Variants in ASXL1 observed in about 807,000 individuals in gnomAD.
The protein encoded by ASXL1 is polycomb group protein ASXL1.
ASXL1 carries 65 observed loss-of-function variants against 89.1 expected under a neutral mutation model. The ratio of observed to expected loss-of-function variants is 0.73; its 90% CI spans 0.60 to 0.90. The LOEUF is 0.90. Ranked by LOEUF, ASXL1 falls within the 40% of genes least tolerant of loss-of-function variation. The pLI, the probability that ASXL1 is intolerant of heterozygous loss-of-function variation, is 0.00. For missense variants in ASXL1, 1,786 were observed against 1,942.9 expected (o/e 0.92, Z 1.52); for synonymous variants, 739 against 746.9 (o/e 0.99, Z 0.17).
Position 32,374,525 on chromosome 20 carries a change from G to C in ASXL1, c.252+5402G>C, listed in dbSNP as rs62206877. On this transcript the variant is annotated intron_variant, in intron 4 of 12. Coordinates refer to ENST00000375687, the MANE Select transcript of ASXL1 (RefSeq NM_015338.6). Reference sequence around the variant, plus strand: ...TCCTCAGGCTAGTCTCAAACTCCTGGCCTCAAGCAATCCTCTGCTTCAGCC... The same window carrying C: ...TCCTCAGGCTAGTCTCAAACTCCTGCCCTCAAGCAATCCTCTGCTTCAGCC... Among the ~76,000 whole-genome samples the C allele has an allele frequency of 9.6e-3, 1,453 of 152,120 alleles. 14 individuals are homozygous for C. The highest frequency in any genetic ancestry group is 0.023 in the African/African-American group (950 of 41,478).
At position 32,436,274 on chromosome 20, in the gene ASXL1, C is replaced by A. The variant is rs774416906; in HGVS notation, c.3562C>A (p.Leu1188Ile). The A allele has an allele frequency of 1.9e-6, 3 of 1,614,078 alleles. No individual in the cohort carries two copies. In the African/African-American group the frequency reaches 4.0e-5, roughly 22 times the overall value. ...LPDSCETGTG[L>I]ARIEATQAPG... ...AGATAGCTGTGAAACAGGCACTGGT[C>A]TTGCCAGGATTGAGGCCACCCAGGC... Residue 1188 changes from leucine (L) to isoleucine (I), a missense_variant, in exon 13 of 13, where the codon CTT becomes ATT. Around this residue, in one of 3 missense-constraint regions of ASXL1, gnomAD observed 1,418 missense variants for 1,427.8 expected, o/e 0.99. Transcript: ENST00000375687.
intron 1 of ASXL1, chr20:32,359,447 G>A (rs1196522645): frequency 2.9e-6 from 2 of 698,628 alleles, no homozygotes; most frequent in Non-Finnish European, 5.2e-6. Flanking sequence ...CTACTCCTAG[G>A]GCCCTTCGTA....
intron 1 of ASXL1, chr20:32,359,751 G>C (rs1476943825): frequency 1.4e-6 from 1 of 718,106 alleles, no homozygotes; most frequent in Non-Finnish European, 2.6e-6. Flanking sequence ...CAACCGATGG[G>C]GGTTGTGAAT....
At chr20:32,425,934 A>C (rs1421601248) in intron 4 of ASXL1, among the ~76,000 whole-genome samples, 1 of 152,176 alleles carries the variant, frequency 6.6e-6, no homozygotes, top group East Asian at 1.9e-4. Context: ...TGAACCCCTG[A>C]CCTCAAGTGA....
At chr20:32,374,871 GTTTA>G (rs1370899498) in intron 4 of ASXL1, among the ~76,000 whole-genome samples, 1 of 152,062 alleles carries the variant, frequency 6.6e-6, no homozygotes, top group Non-Finnish European at 1.5e-5. Context: ...TTTACTTTAC[GTTTA>G]TTTATTTTGA....
chr20:32,411,949 C>T (rs2049055985), intron 4 of ASXL1, among the ~76,000 whole-genome samples: 1 of 152,132 alleles, frequency 6.6e-6, no homozygotes, highest in African/African-American at 2.4e-5. Flanking sequence ...CTTTTGTGTC[C>T]TTTTTATGTG....
rs1569317538 is a variant in ASXL1 at position 32,429,254 on chromosome 20, G to A, written c.472-84G>A. ...AAGACGAACTTCATTTTACAAGAGC[G>A]TGAGTAGAGATAGTGTCGCCAGGGA... is the stretch of plus-strand genomic sequence containing the variant. On this transcript the variant is annotated intron_variant, in intron 6 of 12. Coordinates refer to ENST00000375687, the MANE Select transcript of ASXL1 (RefSeq NM_015338.6). This position sits in a 1 kb window ranked among gnomAD's most constrained non-coding sequence, Gnocchi z 4.9. 3.8e-6 allele frequency: 5 copies of A among 1,321,406 alleles called. No individual in the cohort carries two copies. In the South Asian group the frequency reaches 6.2e-5, roughly 16 times the overall value. 81.9% of individuals were successfully genotyped at this position (1,321,406 alleles called of 1,614,324 possible). A position where few individuals can be genotyped will look rare whatever the true frequency, so the allele number is the denominator to read the frequency against.
rs71299232 is a variant in ASXL1, at chr20:32,421,866, CT to C, written c.253-6242del. ...TGGGGTGAGAGGGGTGGTTTCTTTT[CT>C]TTTTTTTTTTTTTTTTTTTGAGACG... On this transcript the variant is annotated intron_variant, in intron 4 of 12. Coordinates refer to ENST00000375687, the MANE Select transcript of ASXL1 (RefSeq NM_015338.6). Among the ~76,000 whole-genome samples, 775 of 105,274 alleles carry C rather than the reference CT, an allele frequency of 7.4e-3. 7 individuals carry two copies. The highest frequency in any genetic ancestry group is 0.021 in the African/African-American group (609 of 28,536). 69.1% of individuals were successfully genotyped at this position (105,274 alleles called of 152,430 possible).
In ASXL1 at chr20:32,434,607, G is replaced by A. The variant is rs930925893; in HGVS notation, c.1895G>A (p.Cys632Tyr). The part of the protein sequence containing the change: ...LQVRGARGHH[C>Y]HREAATTAIG... ...GTCCGAGGGGCGAGAGGTCACCACT[G>A]CCATAGAGAGGCGGCCACCACTGCC... Residue 632 changes from cysteine to tyrosine, a missense_variant, in exon 13 of 13, where the codon TGC (cysteine) becomes TAC (tyrosine). Coordinates refer to ENST00000375687, the MANE Select transcript of ASXL1 (RefSeq NM_015338.6). 2.5e-6 allele frequency: 4 copies of A among 1,611,484 alleles called. No individual in the cohort carries two copies. The African/African-American group carries it at 4.0e-5, about 16-fold the overall frequency.
intron 1 of ASXL1, among the ~76,000 whole-genome samples, chr20:32,362,504 CG>C (rs1569233961): frequency 6.1e-4 from 92 of 151,918 alleles, no homozygotes; most frequent in African/African-American, 2.1e-3. Context: ...GGCGTGGTGG[CG>C]AGTGCCTGTA....
At chr20:32,381,309 A>G (rs1220718437) in intron 4 of ASXL1, among the ~76,000 whole-genome samples, 5 of 152,010 alleles carry the variant, frequency 3.3e-5, no homozygotes, top group Admixed American at 2.6e-4. Context: ...GACTCAAATG[A>G]TCCTCCCACC....
intron 4 of ASXL1, among the ~76,000 whole-genome samples, chr20:32,375,015 G>A (rs759158693): frequency 2.9e-4 from 44 of 152,140 alleles, no homozygotes; most frequent in Non-Finnish European, 4.9e-4. Flanking sequence ...GGAGGCCAAG[G>A]TCGAGGGGAC....
At chr20:32,416,561 A>G (rs2049142045) in intron 4 of ASXL1, among the ~76,000 whole-genome samples, 1 of 152,208 alleles carries the variant, frequency 6.6e-6, no homozygotes, top group Non-Finnish European at 1.5e-5. Context: ...TACCATATCA[A>G]TATAGCTACA....
In ASXL1 at chr20:32,384,492, G is replaced by A. The variant is rs6141699; in HGVS notation, c.252+15369G>A. Reference sequence around the variant, plus strand: ...ATTACAGGTGTGAGCCACCGTGCCCGGCCAGCAATCTGGTTTTAAAGGAGG... The same window carrying A: ...ATTACAGGTGTGAGCCACCGTGCCCAGCCAGCAATCTGGTTTTAAAGGAGG... On this transcript the variant is annotated intron_variant, in intron 4 of 12. Transcript: ENST00000375687. Among the ~76,000 whole-genome samples, 139 of 152,240 alleles carry A rather than the reference G, an allele frequency of 9.1e-4. 3 individuals carry two copies. In the East Asian group the frequency reaches 0.025, roughly 28 times the overall value.
At chr20:32,374,674 T>C (rs1043748257) in intron 4 of ASXL1, among the ~76,000 whole-genome samples, 4 of 152,102 alleles carry the variant, frequency 2.6e-5, no homozygotes, top group Admixed American at 1.3e-4. Context: ...TCTCTTGTTA[T>C]ATGCCTCATC....
At chr20:32,361,154 G>A (rs1291189869) in intron 1 of ASXL1, among the ~76,000 whole-genome samples, 2 of 152,306 alleles carry the variant, frequency 1.3e-5, no homozygotes, top group East Asian at 3.9e-4. Flanking sequence ...TTCGAGATGA[G>A]CCTGGGCAAC....
chr20:32,377,741 C>G (rs2048409878), intron 4 of ASXL1, among the ~76,000 whole-genome samples: 1 of 147,918 alleles, frequency 6.8e-6, no homozygotes, highest in African/African-American at 2.5e-5. Context: ...CAACCTCCGC[C>G]TCCCAGGTCC....
At chr20:32,430,974 A>G (rs1056062366) in intron 8 of ASXL1, 1 of 486,606 alleles carries the variant, frequency 2.1e-6, no homozygotes. Flanking sequence ...GATAATTCTC[A>G]TGATTTCTCC....
At chr20:32,394,568 T>G (rs2123012394) in intron 4 of ASXL1, among the ~76,000 whole-genome samples, 1 of 152,368 alleles carries the variant, frequency 6.6e-6, no homozygotes, top group Middle Eastern at 3.4e-3. Context: ...ATTATACCAC[T>G]TCACCTATAT....
Sources: gnomAD v4.1 joint callset for allele counts (sites outside exome capture counted in the v4.1 genomes callset) on GRCh38, gnomAD v4.1.1 for gene constraint, gnomAD v4.1.1 regional missense constraint, Gnocchi (gnomAD v3.1) non-coding constraint, MANE v1.5 for transcripts, NCBI Gene and HGNC (gene_info 2026-07-23, HGNC 2026-07-21) for gene names.